The following SLC17A3 variants were observed in gnomAD, a reference collection of about 807,000 sequenced individuals.
SLC17A3 encodes the protein sodium-dependent phosphate transport protein 4.
In SLC17A3, 61 loss-of-function variants were observed where a neutral mutation model predicts 60.3. That is an observed-to-expected ratio of 1.01 (90% confidence interval 0.82 to 1.25). The LOEUF is 1.25. Ranked by LOEUF, SLC17A3 falls within the 50% of genes most tolerant of loss-of-function variation. The pLI is 0.00. For missense variants in SLC17A3, 624 were observed against 594.9 expected (o/e 1.05, Z -0.51); for synonymous variants, 192 against 208.9 (o/e 0.92, Z 0.70).
chr6:25,861,827 A>G lies in SLC17A3; in HGVS notation c.506T>C (p.Ile169Thr), dbSNP rs1304082987. ...TAGGCCCTGGACTATTCGAGTTACA[A>G]TGAGCAAGACTATTCCAAAGTCAGT... ...LATDFGIVLLIVTRIVQGLSQ... is the reference protein window; with the variant it reads ...LATDFGIVLLTVTRIVQGLSQ... The change falls in exon 4 of 13, where the codon ATT (isoleucine) becomes ACT (threonine). Residue 169 changes from isoleucine to threonine, a missense_variant. By Grantham distance (89) the Ile-to-Thr change is moderately conservative. Transcript: ENST00000397060. The G allele has an allele frequency of 3.1e-6, 5 of 1,613,586 alleles. No individual in the cohort carries two copies. Among genetic ancestry groups the G allele is most frequent in the Admixed American group, 3.3e-5 (2 of 59,920 alleles).
At chr6:25,873,172 CAT>C (rs1169500170) in intron 1 of SLC17A3, among the ~76,000 whole-genome samples, 2 of 152,134 alleles carry the variant, frequency 1.3e-5, no homozygotes, top group Non-Finnish European at 2.9e-5. Flanking sequence ...AGTAGCACAA[CAT>C]AGAAAATGCA....
Position 25,862,442 on chromosome 6 carries a change from G to T in SLC17A3, c.94C>A (p.Pro32Thr). 1 of 1,611,590 alleles carries T rather than the reference G, an allele frequency of 6.2e-7. No individual in the cohort carries two copies. The highest frequency in any genetic ancestry group is 8.5e-7 in the Non-Finnish European group (1 of 1,177,820). The change falls in exon 3 of 13, where the codon CCA becomes ACA. Residue 32 changes from proline (P) to threonine (T), a missense_variant and splice_region_variant. Transcript: ENST00000397060. ...CCATAGCGAGCAGAACATAAACTTG[G>T]AACTGGAAATATTATGACATCATAT... is the stretch of plus-strand genomic sequence containing the variant. ...VDETLIPRKV[P>T]SLCSARYGIA...
intron 2 of SLC17A3, among the ~76,000 whole-genome samples, chr6:25,864,053 C>T (rs1300807449): frequency 6.6e-6 from 1 of 152,044 alleles, no homozygotes; most frequent in Non-Finnish European, 1.5e-5. Flanking sequence ...GTCCCAATGA[C>T]ATACCAGAGA....
chr6:25,859,682 G>A (rs887612241), intron 5 of SLC17A3, among the ~76,000 whole-genome samples: 1 of 152,120 alleles, frequency 6.6e-6, no homozygotes, highest in Non-Finnish European at 1.5e-5. Context: ...CTTTCCTCTG[G>A]ACACCCCTGT....
At chr6:25,873,883 T>C (rs1211587308) in intron 1 of SLC17A3, among the ~76,000 whole-genome samples, 2 of 152,094 alleles carry the variant, frequency 1.3e-5, no homozygotes, top group Non-Finnish European at 2.9e-5. Flanking sequence ...AATTTTGCTT[T>C]TAAACACCTC....
At position 25,850,092 on chromosome 6, in the gene SLC17A3, T is replaced by G. The variant is rs572929373; in HGVS notation, c.1079A>C (p.Lys360Thr). 1.9e-6 allele frequency: 3 copies of G among 1,613,956 alleles called. No homozygotes were observed. Among genetic ancestry groups the G allele is most frequent in the African/African-American group, 2.7e-5 (2 of 75,028 alleles). The part of the protein sequence containing the change: ...GGYLADFLLT[K>T]KFRLITVRKI... The stretch of plus-strand genomic sequence containing the variant: ...CCTCACAGTGATGAGTCTAAACTTT[T>G]TGGTTAGAAGGAAATCTGCCAGATA... Residue 360 changes from lysine to threonine, a missense_variant, in exon 9 of 13, where the codon AAA (lysine) becomes ACA (threonine). By Grantham distance (78) the Lys-to-Thr change is moderately conservative. Coordinates refer to ENST00000397060, the MANE Select transcript of SLC17A3 (RefSeq NM_001098486.2).
intron 11 of SLC17A3, among the ~76,000 whole-genome samples, chr6:25,847,426 C>T (rs1279875516): frequency 6.6e-6 from 1 of 151,904 alleles, no homozygotes; most frequent in Admixed American, 6.6e-5. Context: ...GGGTATATAC[C>T]CAGTAATGGA....
chr6:25,849,425 C>T lies in SLC17A3; in HGVS notation c.1311G>A (p.Ser437=), dbSNP rs774109980. ...SFLMGASRGF[S]SIAPVIVPTV... ...TGGGTACAATGACAGGTGCTATGCT[C>T]GAAAATCCTCTTGATGCTCCCATGA... The change falls in exon 11 of 13, where the codon TCG becomes TCA. Residue 437 remains serine (S), a synonymous_variant. Coordinates refer to ENST00000397060, the MANE Select transcript of SLC17A3 (RefSeq NM_001098486.2). 44 of 1,612,842 alleles carry T rather than the reference C, an allele frequency of 2.7e-5. No individual in the cohort carries two copies. In the South Asian group the frequency reaches 3.5e-4, roughly 13 times the overall value.
At chr6:25,856,846 CAA>C (rs70977234) in intron 5 of SLC17A3, among the ~76,000 whole-genome samples, 28,422 of 84,180 alleles carry the variant, frequency 0.34, 2,684 homozygotes, top group African/African-American at 0.4. Flanking sequence ...GACTCTGTCT[CAA>C]AAAAAAAAAA....
chr6:25,845,565 A>G (rs1765161609), intron 11 of SLC17A3, 49 bp from the exon 12 acceptor site: 2 of 1,598,880 alleles, frequency 1.3e-6, no homozygotes, highest in Non-Finnish European at 1.7e-6. Context: ...ATATTTTCCT[A>G]TGAAACATTA....
At chr6:25,857,488 T>G (rs1765377261) in intron 5 of SLC17A3, among the ~76,000 whole-genome samples, 1 of 151,870 alleles carries the variant, frequency 6.6e-6, no homozygotes, top group South Asian at 2.1e-4. Flanking sequence ...GCCAGATCTC[T>G]CATTCTCCTC....
At chr6:25,851,053 G>A (rs954452106) in intron 6 of SLC17A3, among the ~76,000 whole-genome samples, 176 bp from the exon 7 acceptor site, 7 of 152,094 alleles carry the variant, frequency 4.6e-5, no homozygotes, top group Non-Finnish European at 8.8e-5. Context: ...TGTGTGTGTG[G>A]AAATTACAGA....
At chr6:25,847,326 G>C (rs1299917400) in intron 11 of SLC17A3, among the ~76,000 whole-genome samples, 2 of 152,156 alleles carry the variant, frequency 1.3e-5, no homozygotes, top group Non-Finnish European at 2.9e-5. Context: ...TGGGCATTTA[G>C]GTTGATTCCA....
At chr6:25,863,361 A>G (rs905284744) in intron 2 of SLC17A3, among the ~76,000 whole-genome samples, 1 of 152,110 alleles carries the variant, frequency 6.6e-6, no homozygotes, top group Non-Finnish European at 1.5e-5. Flanking sequence ...ATCCTGGCAG[A>G]ACACAGCTAA....
rs773121601 is a variant in SLC17A3 at position 25,855,264 on chromosome 6, T to C, written c.626-34A>G. The C allele has an allele frequency of 1.3e-5, 19 of 1,457,390 alleles. No homozygotes were observed. The East Asian group carries it at 2.9e-4, about 23-fold the overall frequency. The allele number at this position is 1,457,390 out of a possible 1,614,324, so 90.3% of individuals were successfully genotyped here. ...AGAGAGAAAGTAAGCTGTGGGACTC[T>C]AGACTTCTACCTGGAAAACACATAC... On this transcript the variant is annotated intron_variant, in intron 5 of 12. Transcript: ENST00000397060.
At chr6:25,851,588 G>A (rs1329011065) in intron 6 of SLC17A3, among the ~76,000 whole-genome samples, 1 of 152,112 alleles carries the variant, frequency 6.6e-6, no homozygotes, top group East Asian at 1.9e-4. Context: ...CCAAGGTATG[G>A]ATGGAAGTTC....
rs1424947121 is a variant in SLC17A3, at chr6:25,862,347, C to T, written c.189G>A (p.Met63Ile). 1 of 1,613,772 alleles carries T rather than the reference C, an allele frequency of 6.2e-7. No homozygotes were observed. The highest frequency in any genetic ancestry group is 8.5e-7 in the Non-Finnish European group (1 of 1,179,762). ...IAQNVIMNIT[M>I]VAMVNSTSPQ... ...GGCTTGTGCTGTTGACCATGGCTAC[C>T]ATGGTGATGTTCATGATGACATTTT... The change falls in exon 3 of 13, where the codon ATG becomes ATA. Residue 63 changes from methionine to isoleucine, a missense_variant. Transcript: ENST00000397060.
intron 1 of SLC17A3, among the ~76,000 whole-genome samples, chr6:25,873,000 A>G (rs1765670242): frequency 6.6e-6 from 1 of 152,060 alleles, no homozygotes; most frequent in African/African-American, 2.4e-5. Context: ...TCACCATGAC[A>G]GACACCTACT....
chr6:25,863,917 A>G (rs1765493144), intron 2 of SLC17A3, among the ~76,000 whole-genome samples: 1 of 152,096 alleles, frequency 6.6e-6, no homozygotes, highest in Non-Finnish European at 1.5e-5. Flanking sequence ...TAGCACACAA[A>G]TAGCCCTGTG....
Sources: allele counts gnomAD v4.1 joint callset (sites outside exome capture counted in the v4.1 genomes callset), GRCh38; gene constraint gnomAD v4.1.1; transcripts MANE v1.5; gene names NCBI Gene and HGNC (gene_info 2026-07-23, HGNC 2026-07-21).